The following GMDS variants were observed in gnomAD, a reference collection of about 807,000 sequenced individuals.
GMDS encodes GDP-mannose 4,6 dehydratase.
A neutral mutation model predicts 49.9 loss-of-function variants in GMDS; 20 were observed. The ratio of observed to expected loss-of-function variants is 0.40; its 90% CI spans 0.28 to 0.58. The LOEUF is 0.58. GMDS is among the 20% of genes least tolerant of loss of function. The probability of loss-of-function intolerance (pLI) is 0.42; values close to 1 mark genes in which losing one functional copy is unlikely to be tolerated. For synonymous variants in GMDS, 177 were observed against 178.6 expected (o/e 0.99, Z 0.07); for missense variants, 362 against 481.4 (o/e 0.75, Z 2.32).
At chr6:2,123,648 C>T (rs6596871) in intron 2 of GMDS, among the ~76,000 whole-genome samples, 16,686 of 152,176 alleles carry the variant, frequency 0.11, 3,031 homozygotes, top group African/African-American at 0.38. Context: ...CTCTCTGCTC[C>T]GTAGAATATG....
chr6:1,934,412 A>C (rs1050806130), intron 6 of GMDS, among the ~76,000 whole-genome samples: 2 of 152,178 alleles, frequency 1.3e-5, no homozygotes, highest in African/African-American at 4.8e-5. Context: ...TTTCTGCAAA[A>C]ACACCAACAG....
At chr6:2,015,200 G>T (rs1767814516) in intron 4 of GMDS, among the ~76,000 whole-genome samples, 1 of 152,186 alleles carries the variant, frequency 6.6e-6, no homozygotes, top group South Asian at 2.1e-4. Flanking sequence ...CCATCAATCT[G>T]CTAAAAAGAC....
intron 7 of GMDS, among the ~76,000 whole-genome samples, chr6:1,835,484 A>T (rs1756882560): frequency 6.6e-6 from 1 of 152,304 alleles, no homozygotes; most frequent in Non-Finnish European, 1.5e-5. Flanking sequence ...ATAATGTGAA[A>T]CAGAGTTTAC....
intron 6 of GMDS, among the ~76,000 whole-genome samples, chr6:1,934,208 T>C (rs1762419192): frequency 1.3e-5 from 2 of 152,240 alleles, no homozygotes; most frequent in African/African-American, 4.8e-5. Flanking sequence ...TTTCTGACTT[T>C]CAATTCGATT....
intron 9 of GMDS, among the ~76,000 whole-genome samples, chr6:1,683,021 ACG>A (rs1464236217): frequency 1.4e-5 from 1 of 72,360 alleles, no homozygotes; most frequent in Non-Finnish European, 3.9e-5. Context: ...AAAACCACGC[ACG>A]TGGGTGAGCA....
At chr6:2,111,337 T>C (rs890799249) in intron 4 of GMDS, among the ~76,000 whole-genome samples, 2 of 152,196 alleles carry the variant, frequency 1.3e-5, no homozygotes, top group Non-Finnish European at 1.5e-5. Context: ...TTTTAATAAC[T>C]AGTACATTTC....
chr6:1,891,203 A>G (rs1026634951), intron 7 of GMDS, among the ~76,000 whole-genome samples: 18 of 151,956 alleles, frequency 1.2e-4, no homozygotes, highest in African/African-American at 3.9e-4. Context: ...GGTTGTTTTC[A>G]CTCATCCTTT....
chr6:1,883,189 C>T (rs937447855), intron 7 of GMDS, among the ~76,000 whole-genome samples: 1 of 151,988 alleles, frequency 6.6e-6, no homozygotes, highest in Non-Finnish European at 1.5e-5. Flanking sequence ...TCAAGAGATC[C>T]AGACCATCCT....
At chr6:2,091,989 G>A (rs1773345038) in intron 4 of GMDS, among the ~76,000 whole-genome samples, 1 of 152,078 alleles carries the variant, frequency 6.6e-6, no homozygotes, top group Non-Finnish European at 1.5e-5. Context: ...GACCTGGTTT[G>A]GGCCAGGACT....
chr6:1,954,698 G>A (rs141650840), intron 6 of GMDS, among the ~76,000 whole-genome samples: 258 of 152,290 alleles, frequency 1.7e-3, no homozygotes, highest in African/African-American at 6.0e-3. Context: ...GATTGCACAC[G>A]ATAAAAGCAG....
intron 9 of GMDS, among the ~76,000 whole-genome samples, chr6:1,700,237 A>G (rs1247790475): frequency 6.6e-6 from 1 of 152,230 alleles, no homozygotes; most frequent in Non-Finnish European, 1.5e-5. Context: ...AAGTATTATT[A>G]GAAAACTTCT....
At chr6:1,655,274 CG>C (rs572668746) in intron 9 of GMDS, among the ~76,000 whole-genome samples, 13 of 151,992 alleles carry the variant, frequency 8.6e-5, no homozygotes, top group Non-Finnish European at 1.9e-4. Context: ...GGTTACATCA[CG>C]GGAACTGGGT....
At chr6:2,089,180 G>A (rs1346125680) in intron 4 of GMDS, among the ~76,000 whole-genome samples, 5 of 152,104 alleles carry the variant, frequency 3.3e-5, no homozygotes, top group Non-Finnish European at 7.4e-5. Flanking sequence ...ATACTTTTTA[G>A]TTCTTTTATC....
Position 1,629,450 on chromosome 6 carries a change from G to A in GMDS, c.988-4910C>T, listed in dbSNP as rs530036126. On this transcript the variant is annotated intron_variant, in intron 9 of 10. Transcript: ENST00000380815. ...GCGGGACTCGGTGGGACTGTCCGTA[G>A]GCAGAGCTCAAACAATGCTCAGGCA... Among the ~76,000 whole-genome samples the A allele has an allele frequency of 3.6e-3, 552 of 152,126 alleles. 2 individuals carry two copies. The highest frequency in any genetic ancestry group is 0.012 in the African/African-American group (515 of 41,486).
chr6:1,830,379 C>T (rs1056560183), intron 7 of GMDS, among the ~76,000 whole-genome samples: 1 of 152,194 alleles, frequency 6.6e-6, no homozygotes, highest in East Asian at 1.9e-4. Context: ...CCCCCAGTAG[C>T]GACAACCAAA....
chr6:2,098,415 T>C (rs959707154), intron 4 of GMDS, among the ~76,000 whole-genome samples: 1 of 152,232 alleles, frequency 6.6e-6, no homozygotes, highest in Admixed American at 6.5e-5. Flanking sequence ...ATAAAGAAAG[T>C]AATCTACTTG....
At chr6:1,742,726 A>T in intron 7 of GMDS, 140 bp from the exon 8 acceptor site, 1 of 569,026 alleles carries the variant, frequency 1.8e-6, no homozygotes, top group South Asian at 2.1e-5. Flanking sequence ...GCACAACAGC[A>T]ATGGCTCCCA....
intron 7 of GMDS, among the ~76,000 whole-genome samples, chr6:1,826,937 T>G (rs1178995047): frequency 1.3e-5 from 2 of 152,010 alleles, no homozygotes; most frequent in African/African-American, 4.8e-5. Flanking sequence ...CACAGTGGCA[T>G]GTACCTGTAG....
At chr6:1,707,911 C>T (rs923204868) in intron 9 of GMDS, among the ~76,000 whole-genome samples, 55 of 152,208 alleles carry the variant, frequency 3.6e-4, no homozygotes, top group Admixed American at 2.7e-3. Flanking sequence ...ATTTAAAACA[C>T]GCTTTCTGGG....
Sources: gnomAD v4.1 joint callset for allele counts (sites outside exome capture counted in the v4.1 genomes callset) on GRCh38, gnomAD v4.1.1 for gene constraint, MANE v1.5 for transcripts, NCBI Gene and HGNC (gene_info 2026-07-23, HGNC 2026-07-21) for gene names.